Variants in PPP3CC observed in about 807,000 individuals in gnomAD.
PPP3CC encodes the protein protein phosphatase 3 catalytic subunit gamma.
Under a neutral mutation model 60.3 loss-of-function variants are expected in PPP3CC, and 35 were observed. The ratio of observed to expected loss-of-function variants is 0.58; its 90% confidence interval spans 0.44 to 0.77. PPP3CC has a LOEUF of 0.77. PPP3CC is among the 30% of genes least tolerant of loss of function. PPP3CC has a pLI of 0.00. For missense variants in PPP3CC, 570 were observed against 628.9 expected (o/e 0.91, Z 1.00); for synonymous variants, 206 against 224.3 (o/e 0.92, Z 0.73).
intron 4 of PPP3CC, among the ~76,000 whole-genome samples, chr8:22,507,179 G>A (rs2117080653): frequency 6.6e-6 from 1 of 152,122 alleles, no homozygotes; most frequent in African/African-American, 2.4e-5. Context: ...TATCATCAGT[G>A]ACTAGACCAG....
chr8:22,452,094 A>G (rs182432042), intron 1 of PPP3CC, among the ~76,000 whole-genome samples: 5 of 151,850 alleles, frequency 3.3e-5, no homozygotes, highest in Middle Eastern at 3.4e-3. Context: ...AATGCGATCA[A>G]TGCTCACTGT....
chr8:22,534,892 A>G (rs1355213777), intron 12 of PPP3CC, among the ~76,000 whole-genome samples: 2 of 152,240 alleles, frequency 1.3e-5, no homozygotes, highest in South Asian at 2.1e-4. Context: ...TCTGATTTAT[A>G]TAATATTTAA....
intron 1 of PPP3CC, 138 bp from the exon 2 acceptor site, chr8:22,474,815 AT>A (rs1837837296): frequency 4.5e-6 from 2 of 442,848 alleles, no homozygotes; most frequent in Non-Finnish European, 3.7e-6. Context: ...GTATCTTAGA[AT>A]TTTTTCCCCA....
At chr8:22,487,929 C>T (rs1468640461) in intron 3 of PPP3CC, among the ~76,000 whole-genome samples, 1 of 152,174 alleles carries the variant, frequency 6.6e-6, no homozygotes, top group Non-Finnish European at 1.5e-5. Flanking sequence ...TTGAACAGAT[C>T]TCTTGATAAT....
At chr8:22,492,522 CAT>C (rs1838436392) in intron 3 of PPP3CC, 2 of 320,290 alleles carry the variant, frequency 6.2e-6, no homozygotes, top group Non-Finnish European at 1.2e-5. Flanking sequence ...CTTGCGTCCC[CAT>C]GTGTGTGCAC....
intron 1 of PPP3CC, among the ~76,000 whole-genome samples, chr8:22,457,052 CCCCT>C (rs1378707387): frequency 1.7e-3 from 160 of 96,890 alleles, no homozygotes; most frequent in South Asian, 5.4e-3. Context: ...TCCCTTCCTT[CCCCT>C]CCCTCCCTCC....
intron 1 of PPP3CC, among the ~76,000 whole-genome samples, chr8:22,464,937 G>A (rs1405435416): frequency 6.6e-6 from 1 of 151,698 alleles, no homozygotes; most frequent in Admixed American, 6.6e-5. Context: ...AGGTCACTAA[G>A]GCCAGTTCAG....
At chr8:22,507,752 T>C (rs1258446138) in intron 4 of PPP3CC, among the ~76,000 whole-genome samples, 3 of 152,182 alleles carry the variant, frequency 2.0e-5, no homozygotes, top group Non-Finnish European at 4.4e-5. Context: ...AGGGTGTTAT[T>C]ATTATTATGA....
At chr8:22,491,763 A>G (rs1332020694) in intron 3 of PPP3CC, among the ~76,000 whole-genome samples, 1 of 152,156 alleles carries the variant, frequency 6.6e-6, no homozygotes, top group Non-Finnish European at 1.5e-5. Context: ...GATTTGATGT[A>G]ATTTGATTAA....
At chr8:22,536,194 C>A (rs1308427956) in intron 12 of PPP3CC, among the ~76,000 whole-genome samples, 6 of 152,186 alleles carry the variant, frequency 3.9e-5, no homozygotes, top group Non-Finnish European at 1.5e-5. Flanking sequence ...TAAACTATTT[C>A]CGATTGAATA....
At chr8:22,531,328 G>A in intron 10 of PPP3CC, 2 of 1,530,584 alleles carry the variant, frequency 1.3e-6, no homozygotes, top group Non-Finnish European at 1.8e-6. Context: ...CTATCAGAAA[G>A]GTATCCGACT....
At chr8:22,482,949 T>C (rs891445541) in intron 3 of PPP3CC, among the ~76,000 whole-genome samples, 1 of 152,142 alleles carries the variant, frequency 6.6e-6, no homozygotes, top group Admixed American at 6.6e-5. Flanking sequence ...GATGAAAAAG[T>C]TGGAGAGAGT....
At chr8:22,534,672 A>C (rs914806391) in intron 12 of PPP3CC, among the ~76,000 whole-genome samples, 1 of 152,264 alleles carries the variant, frequency 6.6e-6, no homozygotes, top group Non-Finnish European at 1.5e-5. Flanking sequence ...TAATAGCTCA[A>C]AGCTGGAAAC....
At chr8:22,499,345 A>G (rs1838693211) in intron 4 of PPP3CC, among the ~76,000 whole-genome samples, 2 of 151,104 alleles carry the variant, frequency 1.3e-5, no homozygotes, top group Non-Finnish European at 2.9e-5. Flanking sequence ...AGGCTGAGGC[A>G]GGAGAATGGC....
intron 4 of PPP3CC, among the ~76,000 whole-genome samples, chr8:22,502,358 T>C (rs891739702): frequency 5.9e-5 from 9 of 152,208 alleles, no homozygotes; most frequent in African/African-American, 1.9e-4. Flanking sequence ...AGTGATAATA[T>C]GCTTTTGAAC....
intron 10 of PPP3CC, among the ~76,000 whole-genome samples, chr8:22,530,805 C>T (rs2117143151): frequency 8.2e-6 from 1 of 122,660 alleles, no homozygotes; most frequent in East Asian, 2.7e-4. Context: ...GCACTCCAGC[C>T]TGGCGACAGA....
At chr8:22,520,916 G>A (rs1839389044) in intron 6 of PPP3CC, among the ~76,000 whole-genome samples, 1 of 152,184 alleles carries the variant, frequency 6.6e-6, no homozygotes, top group Non-Finnish European at 1.5e-5. Flanking sequence ...TGAAGGAGCA[G>A]GGGCCTTCCA....
chr8:22,464,067 A>C (rs1473457613), intron 1 of PPP3CC, among the ~76,000 whole-genome samples: 1 of 152,134 alleles, frequency 6.6e-6, no homozygotes, highest in Non-Finnish European at 1.5e-5. Flanking sequence ...TTTAAGCCGA[A>C]AGATACTTAA....
At chr8:22,526,732 G>C (rs1586866318) in intron 8 of PPP3CC, among the ~76,000 whole-genome samples, 1 of 152,186 alleles carries the variant, frequency 6.6e-6, no homozygotes, top group Non-Finnish European at 1.5e-5. Flanking sequence ...AAGAAAATCA[G>C]TTTGGCATCA....
Sources: gnomAD v4.1 joint callset for allele counts (sites outside exome capture counted in the v4.1 genomes callset) on GRCh38, gnomAD v4.1.1 for gene constraint, MANE v1.5 for transcripts, NCBI Gene and HGNC (gene_info 2026-07-23, HGNC 2026-07-21) for gene names.